Variants in MMP2 observed in about 807,000 individuals in gnomAD.
MMP2 encodes 72 kDa type IV collagenase.
MMP2 carries 39 observed loss-of-function variants against 74.8 expected under a neutral mutation model. The observed-to-expected ratio is 0.52, with a 90% CI of 0.40 to 0.68. The LOEUF is 0.68. Among genes scored for constraint, MMP2 ranks in the 30% least tolerant of loss-of-function variants. MMP2 has a pLI of 0.00. For missense variants in MMP2, 803 were observed against 878.3 expected (o/e 0.91, Z 1.08); for synonymous variants, 367 against 339.8 (o/e 1.08, Z -0.88).
intron 9 of MMP2, among the ~76,000 whole-genome samples, chr16:55,495,486 A>C (rs1432678353): frequency 6.6e-6 from 1 of 152,256 alleles, no homozygotes; most frequent in African/African-American, 2.4e-5. Flanking sequence ...GTCATGAAGG[A>C]CAGTATTGCA....
intron 11 of MMP2, 57 bp from the exon 12 acceptor site, chr16:55,502,722 G>T (rs971155953): frequency 1.3e-6 from 2 of 1,492,672 alleles, no homozygotes; most frequent in East Asian, 2.3e-5. Context: ...ATCCAGGCCA[G>T]GGGGGAAGTG....
rs1163057146 is a variant in MMP2 at position 55,496,941 on chromosome 16, T to G, written c.1488T>G (p.Thr496=). 5 of 1,614,110 alleles carry G rather than the reference T, an allele frequency of 3.1e-6. No individual in the cohort carries two copies. Among genetic ancestry groups the G allele is most frequent in the East Asian group, 2.2e-5 (1 of 44,880 alleles). Residue 496 remains threonine, a synonymous_variant, in exon 10 of 13, where the codon ACT becomes ACG. Coordinates refer to ENST00000219070, the MANE Select transcript of MMP2 (RefSeq NM_004530.6). Reference sequence around the variant, plus strand: ...CTCCTGCCAGGTTCATTTGGCGGACTGTGACGCCACGTGACAAGCCCATGG... The same window carrying G: ...CTCCTGCCAGGTTCATTTGGCGGACGGTGACGCCACGTGACAAGCCCATGG... ...FFFKDRFIWR[T]VTPRDKPMGP... is the part of the protein sequence containing the mutation.
intron 9 of MMP2, among the ~76,000 whole-genome samples, chr16:55,496,212 A>G (rs1962524850): frequency 6.6e-6 from 1 of 152,230 alleles, no homozygotes; most frequent in East Asian, 1.9e-4. Context: ...CAGGTGACGC[A>G]GATGCTGCTG....
intron 2 of MMP2, among the ~76,000 whole-genome samples, chr16:55,483,395 G>T (rs1962157586): frequency 6.6e-6 from 1 of 152,332 alleles, no homozygotes; most frequent in African/African-American, 2.4e-5. Context: ...CTTAAAAAAT[G>T]CCCTTATATG....
chr16:55,478,852 C>A (rs1328448208), upstream of MMP2: 1 of 152,288 alleles, frequency 6.6e-6, no homozygotes, highest in East Asian at 1.9e-4. Flanking sequence ...CTAGCCAAGC[C>A]GGCGTCCCTC....
In MMP2 at chr16:55,484,060, A is replaced by G. The variant is rs764664272; in HGVS notation, c.425A>G (p.Asp142Gly). 6 of 1,614,078 alleles carry G rather than the reference A, an allele frequency of 3.7e-6. No homozygotes were observed. In the East Asian group the frequency reaches 6.7e-5, roughly 18 times the overall value. Residue 142 changes from aspartate to glycine, a missense_variant, in exon 3 of 13, where the codon GAT becomes GGT. Around this residue, in one of 3 missense-constraint regions of MMP2, gnomAD observed 223 missense variants for 232.8 expected, o/e 0.96. Coordinates refer to ENST00000219070, the MANE Select transcript of MMP2 (RefSeq NM_004530.6). Reference protein sequence around the residue: ...TPDLDPETVDDAFARAFQVWS... With the variant: ...TPDLDPETVDGAFARAFQVWS... ...GATCTGGACCCAGAGACAGTGGATG[A>G]TGCCTTTGCTCGTGCCTTCCAAGTC... is the stretch of plus-strand genomic sequence containing the variant.
At chr16:55,491,346 C>T (rs1392950494) in intron 7 of MMP2, among the ~76,000 whole-genome samples, 1 of 152,104 alleles carries the variant, frequency 6.6e-6, no homozygotes, top group East Asian at 1.9e-4. Flanking sequence ...ACTGCTTTCA[C>T]CTGGGCAGAA....
chr16:55,485,497 C>A (rs1219086084), intron 4 of MMP2, 70 bp downstream of exon 4: 3 of 1,612,672 alleles, frequency 1.9e-6, no homozygotes, highest in Non-Finnish European at 2.5e-6. Flanking sequence ...TTGCTTGGAC[C>A]AGAGAGGTGG....
chr16:55,493,098 C>T lies in MMP2; in HGVS notation c.1337-60C>T, dbSNP rs1458720557. 5 of 1,606,482 alleles carry T rather than the reference C, an allele frequency of 3.1e-6. No homozygotes were observed. The African/African-American group carries it at 5.3e-5, about 17-fold the overall frequency. ...GGTTGGGTGGGCACCCCTGGGGGCT[C>T]ACCCTAGTGGGGAGAACCTCTGGAG... On this transcript the variant is annotated intron_variant, in intron 8 of 12. Transcript: ENST00000219070.
At position 55,505,476 on chromosome 16, in the gene MMP2, A is replaced by G. The variant is rs368916369; in HGVS notation, c.*34A>G. 78 of 1,574,336 alleles carry G rather than the reference A, an allele frequency of 5.0e-5. No individual in the cohort carries two copies. The highest frequency in any genetic ancestry group is 6.5e-5 in the Non-Finnish European group (74 of 1,144,302). On this transcript the variant is annotated 3_prime_UTR_variant, in exon 13 of 13. Transcript: ENST00000219070. The stretch of plus-strand genomic sequence containing the variant: ...TGGCTCCCACAGGCCCTTCCTCTCC[A>G]CTGCCTTCGATACACCGGGCCTGGA...
At chr16:55,485,176 A>G (rs1174375355) in intron 3 of MMP2, 123 bp from the exon 4 acceptor site, 10 of 1,400,318 alleles carry the variant, frequency 7.1e-6, no homozygotes, top group Non-Finnish European at 1.0e-5. Flanking sequence ...GGATAACCCC[A>G]CTGGGACAAG....
chr16:55,479,663 C>T lies in MMP2; in HGVS notation c.153+31C>T, dbSNP rs17859835. On this transcript the variant is annotated intron_variant, in intron 1 of 12. Transcript: ENST00000219070. ...TTGCTGCGCTGGCCTCAAGGAACCA[C>T]GTTTAGACAAACTTCGGAGGCAAAG... is the stretch of plus-strand genomic sequence containing the variant. 817 of 1,613,414 alleles carry T rather than the reference C, an allele frequency of 5.1e-4. 4 individuals are homozygous for T. Among genetic ancestry groups the T allele is most frequent in the Middle Eastern group, 4.5e-3 (27 of 6,062 alleles).
intron 11 of MMP2, 42 bp downstream of exon 11, chr16:55,498,490 C>T (rs370695079): frequency 1.5e-5 from 24 of 1,613,422 alleles, no homozygotes; most frequent in African/African-American, 1.1e-4. Flanking sequence ...CAGTTGGCTG[C>T]GAGAGACAGA....
In MMP2 at chr16:55,496,190, C is replaced by T. The variant is rs1011391192; in HGVS notation, c.1473-736C>T. Among the ~76,000 whole-genome samples, 5 of 152,304 alleles carry T rather than the reference C, an allele frequency of 3.3e-5. No homozygotes were observed. In the South Asian group the frequency reaches 6.2e-4, roughly 19 times the overall value. On this transcript the variant is annotated intron_variant, in intron 9 of 12. Transcript: ENST00000219070. ...TGTAAGGACCCAATCATTTGCATTT[C>T]TAATGAGTTCTCAGGTGACGCAGAT...
In MMP2 at chr16:55,506,562, CAAT is replaced by C. The variant is rs1962807362; in HGVS notation, c.*1125_*1127del. On this transcript the variant is annotated 3_prime_UTR_variant, in exon 13 of 13. Transcript: ENST00000219070. ...TGCTACTACTAACAATGAACAGTAACAATAATATCCCCCTCAATTAATAGAGTG... is the reference window on the plus strand; with the variant it reads ...TGCTACTACTAACAATGAACAGTAACAATATCCCCCTCAATTAATAGAGTG... 1.3e-5 allele frequency: 2 copies of C among 152,226 alleles called. No homozygotes were observed. The highest frequency in any genetic ancestry group is 6.5e-5 in the Admixed American group (1 of 15,284). 9.4% of individuals were successfully genotyped at this position (152,226 alleles called of 1,614,324 possible).
rs778860356 is a variant in MMP2, at chr16:55,493,151, TC to T, written c.1337-3del. The T allele has an allele frequency of 4.3e-6, 7 of 1,613,282 alleles. No individual in the cohort carries two copies. Among genetic ancestry groups the T allele is most frequent in the Non-Finnish European group, 5.9e-6 (7 of 1,179,982 alleles). On this transcript the variant is annotated splice_polypyrimidine_tract_variant and splice_region_variant and intron_variant, in intron 8 of 12. Transcript: ENST00000219070. Reference sequence around the variant, plus strand: ...GCAGAGAGTCTAAGGTCAGGTGTTCTCCCCAGGGGCCTCTCCTGACATTGAC... The same window carrying T: ...GCAGAGAGTCTAAGGTCAGGTGTTCTCCCAGGGGCCTCTCCTGACATTGAC...
At position 55,498,358 on chromosome 16, in the gene MMP2, G is replaced by T. The variant is rs1962581234; in HGVS notation, c.1679G>T (p.Gly560Val). The T allele has an allele frequency of 1.2e-6, 2 of 1,614,142 alleles. No individual in the cohort carries two copies. The highest frequency in any genetic ancestry group is 1.1e-5 in the South Asian group (1 of 91,092). ...TACCCCAAGCCACTGACCAGCCTGG[G>T]ACTGCCCCCTGATGTCCAGCGAGTG... is the stretch of plus-strand genomic sequence containing the variant. ...RGYPKPLTSL[G>V]LPPDVQRVDA... The change falls in exon 11 of 13, where the codon GGA becomes GTA. Residue 560 changes from glycine (G) to valine (V), a missense_variant. By Grantham distance (109) the Gly-to-Val change is moderately radical. Coordinates refer to ENST00000219070, the MANE Select transcript of MMP2 (RefSeq NM_004530.6).
At chr16:55,483,907 A>G in intron 2 of MMP2, 109 bp from the exon 3 acceptor site, 1 of 1,122,266 alleles carries the variant, frequency 8.9e-7, no homozygotes, top group South Asian at 1.3e-5. Flanking sequence ...ATGTTCACAT[A>G]CACACACACA....
chr16:55,481,968 A>G (rs1962117065), intron 1 of MMP2: 1 of 602,816 alleles, frequency 1.7e-6, no homozygotes, highest in East Asian at 2.9e-5. Flanking sequence ...ACTTCCAACA[A>G]GGCTAGGACC....
Sources: allele counts gnomAD v4.1 joint callset (sites outside exome capture counted in the v4.1 genomes callset), GRCh38; gene constraint gnomAD v4.1.1; regional missense constraint gnomAD v4.1.1; transcripts MANE v1.5; gene names NCBI Gene and HGNC (gene_info 2026-07-23, HGNC 2026-07-21).